PPP1R14C: variants seen among roughly 807,000 people sequenced by gnomAD.
PPP1R14C encodes the protein protein phosphatase 1 regulatory subunit 14C.
A neutral mutation model predicts 20.4 loss-of-function variants in PPP1R14C; 16 were observed. The ratio of observed to expected loss-of-function variants is 0.78; its 90% CI spans 0.53 to 1.19. PPP1R14C has a LOEUF of 1.19. Ranked by LOEUF, PPP1R14C falls within the 50% of genes most tolerant of loss-of-function variation. The pLI is 0.00. For synonymous variants in PPP1R14C, 91 were observed against 91.0 expected, an observed-to-expected ratio of 1.00 and a Z score of 0.00; for missense variants, 211 against 220.1, an observed-to-expected ratio of 0.96 and a Z score of 0.26.
In PPP1R14C at chr6:150,188,193, G is replaced by A. The variant is rs192300996; in HGVS notation, c.307-26551G>A. 1.0e-3 allele frequency among the ~76,000 whole-genome samples: 152 copies of A among 152,278 alleles called. 1 individual carries two copies. The highest frequency in any genetic ancestry group is 3.3e-3 in the African/African-American group (139 of 41,552). ...TGTATTTATGTGCTTAAAACATTAA[G>A]GATCTCTAATTTAGAACAGATTAGT... On this transcript the variant is annotated intron_variant, in intron 1 of 3. Transcript: ENST00000361131.
rs1039568704 is a variant in PPP1R14C at position 150,250,146 on chromosome 6, C to G, written c.*1326C>G. ...CCCCGCTGACTCCCACAGAAACCCA[C>G]CTACCATAAGATGTCTTCAGGTGGC... On this transcript the variant is annotated 3_prime_UTR_variant, in exon 4 of 4. Transcript: ENST00000361131. The G allele has an allele frequency of 1.3e-5, 2 of 152,596 alleles. No homozygotes were observed. The highest frequency in any genetic ancestry group is 4.8e-5 in the African/African-American group (2 of 41,428). 9.5% of individuals were successfully genotyped at this position (152,596 alleles called of 1,614,324 possible).
Position 150,215,998 on chromosome 6 carries a change from G to T in PPP1R14C, c.391-826G>T, listed in dbSNP as rs1778086905. ...TAAAAAGTCATTGACCAGAGGAGTG[G>T]GTTTGAAACCATTTGGATCCTGCCG... On this transcript the variant is annotated intron_variant, in intron 2 of 3. Transcript: ENST00000361131. Among the ~76,000 whole-genome samples, 4 of 152,130 alleles carry T rather than the reference G, an allele frequency of 2.6e-5. No individual in the cohort carries two copies. The South Asian group carries it at 8.3e-4, about 32-fold the overall frequency.
chr6:150,233,273 G>GT (rs1410903673), intron 3 of PPP1R14C, among the ~76,000 whole-genome samples: 2 of 152,148 alleles, frequency 1.3e-5, no homozygotes, highest in Non-Finnish European at 1.5e-5. Context: ...GGTGGAGAAA[G>GT]TACAGCAAAT....
chr6:150,175,840 T>C (rs1216904077), intron 1 of PPP1R14C, among the ~76,000 whole-genome samples: 2 of 152,240 alleles, frequency 1.3e-5, no homozygotes, highest in East Asian at 3.8e-4. Context: ...TCTGGCCTGT[T>C]TGGGAAAATG....
chr6:150,235,310 G>A (rs1399283413), intron 3 of PPP1R14C, among the ~76,000 whole-genome samples: 3 of 152,132 alleles, frequency 2.0e-5, no homozygotes, highest in African/African-American at 7.2e-5. Context: ...GGCTGGTCTC[G>A]AATTCCTGGC....
intron 1 of PPP1R14C, among the ~76,000 whole-genome samples, chr6:150,204,354 T>C (rs937042283): frequency 2.0e-5 from 3 of 152,268 alleles, no homozygotes; most frequent in Non-Finnish European, 4.4e-5. Context: ...CAGGAAGCTC[T>C]GCATCTGGGT....
At chr6:150,196,023 G>A in intron 1 of PPP1R14C, 1 of 985,416 alleles carries the variant, frequency 1.0e-6, no homozygotes, top group Non-Finnish European at 1.2e-6. Context: ...GTGAGTGGGG[G>A]ACTGGGATTC....
chr6:150,194,544 T>A, intron 1 of PPP1R14C: 1 of 973,012 alleles, frequency 1.0e-6, no homozygotes, highest in Non-Finnish European at 1.2e-6. Flanking sequence ...ATTAAAGGAG[T>A]AGCTCTTTGA....
intron 1 of PPP1R14C, chr6:150,195,058 G>T: frequency 2.0e-6 from 2 of 985,056 alleles, no homozygotes; most frequent in Non-Finnish European, 2.4e-6. Context: ...AATATAACCT[G>T]TATGACCATC....
chr6:150,152,134 A>C (rs1268508000), intron 1 of PPP1R14C, among the ~76,000 whole-genome samples: 2 of 73,658 alleles, frequency 2.7e-5, no homozygotes, highest in Non-Finnish European at 5.4e-5. Flanking sequence ...AAAAAAAAAA[A>C]AAAAAAAAAA....
At chr6:150,150,637 A>G (rs1777234697) in intron 1 of PPP1R14C, among the ~76,000 whole-genome samples, 1 of 152,108 alleles carries the variant, frequency 6.6e-6, no homozygotes, top group African/African-American at 2.4e-5. Flanking sequence ...TTTGTAGTGC[A>G]TGCTCTTGCT....
chr6:150,239,855 C>G (rs924695115), intron 3 of PPP1R14C, among the ~76,000 whole-genome samples: 1 of 152,128 alleles, frequency 6.6e-6, no homozygotes, highest in Non-Finnish European at 1.5e-5. Context: ...GAGTTTAAGA[C>G]CAGCCTGGCC....
At chr6:150,180,962 C>T (rs1278412890) in intron 1 of PPP1R14C, among the ~76,000 whole-genome samples, 1 of 152,100 alleles carries the variant, frequency 6.6e-6, no homozygotes. Context: ...AAAATAAGGA[C>T]CCAATGTCAA....
At chr6:150,246,359 C>T (rs1778493164) in intron 3 of PPP1R14C, among the ~76,000 whole-genome samples, 1 of 151,662 alleles carries the variant, frequency 6.6e-6, no homozygotes, top group South Asian at 2.1e-4. Flanking sequence ...TAGTCATATG[C>T]ATAACAGATT....
intron 3 of PPP1R14C, among the ~76,000 whole-genome samples, chr6:150,243,096 C>T (rs1086202): frequency 0.13 from 20,374 of 151,954 alleles, 1,523 homozygotes; most frequent in African/African-American, 0.2. Context: ...TGTCAGTTCT[C>T]CCCAAATTGA....
At chr6:150,147,423 C>T (rs1401837914) in intron 1 of PPP1R14C, among the ~76,000 whole-genome samples, 1 of 152,160 alleles carries the variant, frequency 6.6e-6, no homozygotes, top group Non-Finnish European at 1.5e-5. Flanking sequence ...CATGATCCGA[C>T]TGCCTCAGCC....
At chr6:150,203,427 T>G (rs924764730) in intron 1 of PPP1R14C, among the ~76,000 whole-genome samples, 1 of 152,226 alleles carries the variant, frequency 6.6e-6, no homozygotes, top group African/African-American at 2.4e-5. Context: ...CCAAGTGCAG[T>G]GTGTCTGCTC....
rs181108758 is a variant in PPP1R14C at position 150,162,819 on chromosome 6, G to C, written c.306+19321G>C. Among the ~76,000 whole-genome samples, 69 of 152,296 alleles carry C rather than the reference G, an allele frequency of 4.5e-4. No individual in the cohort carries two copies. The South Asian group carries it at 6.0e-3, about 13-fold the overall frequency. ...ATAAATCAGAATGGCTTCAGCTCAC[G>C]AGTAGTGCTAGGAAAAAAATAAAGC... On this transcript the variant is annotated intron_variant, in intron 1 of 3. Coordinates refer to ENST00000361131, the MANE Select transcript of PPP1R14C (RefSeq NM_030949.3).
Position 150,143,337 on chromosome 6 carries a change from C to T in PPP1R14C, c.145C>T (p.Pro49Ser). 6.2e-7 allele frequency: 1 copy of T among 1,604,332 alleles called. No individual in the cohort carries two copies. Among genetic ancestry groups the T allele is most frequent in the Non-Finnish European group, 8.5e-7 (1 of 1,176,720 alleles). ...GSGSSREDSA[P>S]VATAAAAGQV... is the part of the protein sequence containing the mutation. Reference sequence around the variant, plus strand: ...AGGCTCCTCCCGGGAGGACTCGGCGCCCGTGGCCACGGCGGCCGCTGCAGG... The same window carrying T: ...AGGCTCCTCCCGGGAGGACTCGGCGTCCGTGGCCACGGCGGCCGCTGCAGG... Residue 49 changes from proline to serine, a missense_variant, in exon 1 of 4, where the codon CCC becomes TCC. By Grantham distance (74) the Pro-to-Ser change is moderately conservative (BLOSUM62 -1). Coordinates refer to ENST00000361131, the MANE Select transcript of PPP1R14C (RefSeq NM_030949.3). The surrounding 1 kb of genome is among the most constrained non-coding windows in gnomAD (Gnocchi z 5.6).
Sources: allele counts gnomAD v4.1 joint callset (sites outside exome capture counted in the v4.1 genomes callset), GRCh38; gene constraint gnomAD v4.1.1; non-coding constraint Gnocchi (gnomAD v3.1); transcripts MANE v1.5; gene names NCBI Gene and HGNC (gene_info 2026-07-23, HGNC 2026-07-21).